PDILT: variants seen among roughly 807,000 people sequenced by gnomAD.
The protein encoded by PDILT is protein disulfide isomerase like, testis expressed, also known as protein disulfide-isomerase-like protein of the testis.
Under a neutral mutation model 53.7 loss-of-function variants are expected in PDILT, and 43 were observed. The observed-to-expected ratio is 0.80, with a 90% CI of 0.63 to 1.03. The LOEUF (loss-of-function observed/expected upper bound fraction) is 1.03, where lower values mean the gene tolerates loss of function less well. Among genes scored for constraint, PDILT ranks in the 50% least tolerant of loss-of-function variants. PDILT has a pLI of 0.00. For missense variants in PDILT, 727 were observed against 712.3 expected, an observed-to-expected ratio of 1.02 and a Z score of -0.24; for synonymous variants, 282 against 274.2, an observed-to-expected ratio of 1.03 and a Z score of -0.28.
At chr16:20,378,959 TCCC>T (rs1966423796) in intron 3 of PDILT, among the ~76,000 whole-genome samples, 1 of 152,178 alleles carries the variant, frequency 6.6e-6, no homozygotes, top group Admixed American at 6.5e-5. Flanking sequence ...GCTGTGAATA[TCCC>T]ACAACTTATT....
chr16:20,362,506 G>A lies in PDILT; in HGVS notation c.1314C>T (p.Ser438=). 1 of 1,614,126 alleles carries A rather than the reference G, an allele frequency of 6.2e-7. No homozygotes were observed. The highest frequency in any genetic ancestry group is 8.5e-7 in the Non-Finnish European group (1 of 1,180,022). Residue 438 remains serine, a synonymous_variant, in exon 10 of 12, where the codon TCC becomes TCT. Coordinates refer to ENST00000302451, the MANE Select transcript of PDILT (RefSeq NM_174924.2). ...EELGRKYQNH[S]TIIIAKIDVT... Reference sequence around the variant, plus strand: ...CATCGATCTTGGCAATGATAATTGTGGAGTGGTTTTGATATTTTCTGCCCA... The same window carrying A: ...CATCGATCTTGGCAATGATAATTGTAGAGTGGTTTTGATATTTTCTGCCCA...
chr16:20,363,925 T>C (rs1158655003), intron 9 of PDILT, among the ~76,000 whole-genome samples: 2 of 152,132 alleles, frequency 1.3e-5, no homozygotes, highest in Non-Finnish European at 2.9e-5. Context: ...CTGCTTTCCT[T>C]CTACTAGAGC....
chr16:20,364,915 G>C (rs193156803), intron 9 of PDILT, among the ~76,000 whole-genome samples: 2 of 152,332 alleles, frequency 1.3e-5, no homozygotes, highest in East Asian at 3.9e-4. Context: ...CTGTACAGCA[G>C]TTAGGAGTGT....
At chr16:20,379,702 G>A (rs1966435634) in intron 3 of PDILT, among the ~76,000 whole-genome samples, 1 of 152,158 alleles carries the variant, frequency 6.6e-6, no homozygotes, top group African/African-American at 2.4e-5. Context: ...GAGAATTTCT[G>A]GTCATAGCAG....
At chr16:20,398,516 A>C (rs1966690212) in intron 2 of PDILT, among the ~76,000 whole-genome samples, 1 of 152,174 alleles carries the variant, frequency 6.6e-6, no homozygotes. Flanking sequence ...CTGCGATCCC[A>C]TCTACTCAGA....
intron 3 of PDILT, among the ~76,000 whole-genome samples, chr16:20,380,995 G>A (rs1466284721): frequency 6.6e-6 from 1 of 152,332 alleles, no homozygotes; most frequent in Admixed American, 6.5e-5. Flanking sequence ...CAGAGGACAC[G>A]GTGACAACTG....
intron 1 of PDILT, among the ~76,000 whole-genome samples, chr16:20,399,664 G>A (rs1966705640): frequency 6.6e-6 from 1 of 151,840 alleles, no homozygotes; most frequent in Non-Finnish European, 1.5e-5. Flanking sequence ...CTGGATCTCA[G>A]AGATAACTGG....
intron 2 of PDILT, among the ~76,000 whole-genome samples, chr16:20,387,997 C>G (rs973913379): frequency 6.6e-6 from 1 of 151,992 alleles, no homozygotes; most frequent in African/African-American, 2.4e-5. Context: ...TGGCTTTGGG[C>G]CAGGAGAGTG....
In PDILT at chr16:20,376,065, T is replaced by G; in HGVS notation, c.543+3A>C. 1 of 1,614,018 alleles carries G rather than the reference T, an allele frequency of 6.2e-7. No individual in the cohort carries two copies. On this transcript the variant is annotated splice_donor_region_variant and intron_variant, in intron 4 of 11. Transcript: ENST00000302451. ...GCCTCCTCCCACCTCTTGGTCCCAG[T>G]ACCTGGAAGAAGCCAACGATGACCA...
At chr16:20,371,010 G>C (rs955554238) in intron 7 of PDILT, among the ~76,000 whole-genome samples, 19 of 152,206 alleles carry the variant, frequency 1.2e-4, no homozygotes, top group Admixed American at 1.2e-3. Flanking sequence ...TGTCTATGGA[G>C]TACCCATTCT....
intron 10 of PDILT, 134 bp downstream of exon 10, chr16:20,362,270 G>A (rs914010645): frequency 1.1e-6 from 1 of 905,072 alleles, no homozygotes; most frequent in African/African-American, 1.7e-5. Context: ...ACTTGAATGT[G>A]AGAGGATGGA....
At chr16:20,373,236 T>C in intron 5 of PDILT, 114 bp from the exon 6 acceptor site, 1 of 863,974 alleles carries the variant, frequency 1.2e-6, no homozygotes, top group Non-Finnish European at 1.9e-6. Context: ...TGAGGAATGG[T>C]ATCAGGTGTA....
At chr16:20,403,375 C>T (rs982729498) in intron 1 of PDILT, among the ~76,000 whole-genome samples, 22 of 152,210 alleles carry the variant, frequency 1.4e-4, no homozygotes, top group South Asian at 4.1e-4. Flanking sequence ...CTGCAGCCTC[C>T]GCCTCCTGGG....
chr16:20,391,675 G>A (rs1465678348), intron 2 of PDILT, among the ~76,000 whole-genome samples: 1 of 152,038 alleles, frequency 6.6e-6, no homozygotes, highest in African/African-American at 2.4e-5. Flanking sequence ...TGAATGTTAG[G>A]AATCAGGAGA....
chr16:20,388,466 T>G (rs2141614498), intron 2 of PDILT, among the ~76,000 whole-genome samples: 1 of 152,162 alleles, frequency 6.6e-6, no homozygotes, highest in East Asian at 1.9e-4. Context: ...GGCCAGCTGG[T>G]CTGAAAAATC....
chr16:20,362,610 T>A (rs768982279), intron 9 of PDILT, 28 bp from the exon 10 acceptor site: 1 of 1,610,818 alleles, frequency 6.2e-7, no homozygotes, highest in South Asian at 1.1e-5. Context: ...TGGCTCAGGC[T>A]CACATTGATG....
chr16:20,370,978 C>A (rs1216736616), intron 7 of PDILT, among the ~76,000 whole-genome samples: 1 of 152,230 alleles, frequency 6.6e-6, no homozygotes, highest in African/African-American at 2.4e-5. Context: ...AAAATGGCAA[C>A]CAGCCGCCCT....
rs1567333519 is a variant in PDILT, at chr16:20,400,058, A to ATC, written c.-7-752_-7-751insGA. On this transcript the variant is annotated intron_variant, in intron 1 of 11. Coordinates refer to ENST00000302451, the MANE Select transcript of PDILT (RefSeq NM_174924.2). ...TCTATCTATCTATCTATCTATCTAT[A>ATC]TATATATATATATATTTTTTGAGAC... Among the ~76,000 whole-genome samples the ATC allele has an allele frequency of 5.2e-3, 502 of 96,008 alleles. 1 individual carries two copies. The highest frequency in any genetic ancestry group is 0.011 in the Middle Eastern group (2 of 180). 63.0% of individuals were successfully genotyped at this position (96,008 alleles called of 152,430 possible). A position where few individuals can be genotyped will look rare whatever the true frequency, so the allele number is the denominator to read the frequency against.
intron 3 of PDILT, among the ~76,000 whole-genome samples, chr16:20,380,952 G>C (rs1966453190): frequency 6.6e-6 from 1 of 152,328 alleles, no homozygotes; most frequent in South Asian, 2.1e-4. Context: ...CACTGCCCTT[G>C]TCAGGGACCT....
Sources: allele counts gnomAD v4.1 joint callset (sites outside exome capture counted in the v4.1 genomes callset), GRCh38; gene constraint gnomAD v4.1.1; transcripts MANE v1.5; gene names NCBI Gene and HGNC (gene_info 2026-07-23, HGNC 2026-07-21).